RBFOX3: variants seen among roughly 807,000 people sequenced by gnomAD.
RBFOX3 encodes RNA binding protein fox-1 homolog 3.
A neutral mutation model predicts 48.7 loss-of-function variants in RBFOX3; 17 were observed. The ratio of observed to expected loss-of-function variants is 0.35; its 90% confidence interval spans 0.24 to 0.52. The LOEUF is 0.52. Among genes scored for constraint, RBFOX3 ranks in the 20% least tolerant of loss-of-function variants. RBFOX3 has a pLI of 0.94. For missense variants in RBFOX3, 382 were observed against 497.5 expected, an observed-to-expected ratio of 0.77 and a Z score of 2.21; for synonymous variants, 212 against 209.5, an observed-to-expected ratio of 1.01 and a Z score of -0.10.
At chr17:79,657,269 C>T in the RBFOX3 span, among the ~76,000 whole-genome samples, 1 of 152,184 alleles carries the variant, frequency 6.6e-6, no homozygotes, top group East Asian at 1.9e-4. Flanking sequence ...GGGGAGATTG[C>T]AGCAGGTCTT....
At chr17:79,190,424 A>ACAAAAAC (rs1161047343) in intron 4 of RBFOX3, among the ~76,000 whole-genome samples, 11 of 109,530 alleles carry the variant, frequency 1.0e-4, no homozygotes, top group African/African-American at 3.3e-4. Context: ...CAAAAAAAAA[A>ACAAAAAC]AAAAAAACAA....
At chr17:79,530,272 T>C (rs1466313157) in intron 1 of RBFOX3, among the ~76,000 whole-genome samples, 1 of 152,000 alleles carries the variant, frequency 6.6e-6, no homozygotes, top group Non-Finnish European at 1.5e-5. Context: ...CAATTTAAAG[T>C]TGTATTTTCA....
intron 1 of RBFOX3, among the ~76,000 whole-genome samples, chr17:79,487,400 G>A (rs1471373837): frequency 6.6e-6 from 1 of 152,344 alleles, no homozygotes; most frequent in African/African-American, 2.4e-5. Flanking sequence ...CAGAGGCCGG[G>A]TGGCGGGGAG....
chr17:79,252,931 C>A lies in RBFOX3; in HGVS notation c.-73-17126G>T, dbSNP rs998073255. Among the ~76,000 whole-genome samples, 3 of 152,060 alleles carry A rather than the reference C, an allele frequency of 2.0e-5. No homozygotes were observed. The highest frequency in any genetic ancestry group is 2.9e-5 in the Non-Finnish European group (2 of 68,020). On this transcript the variant is annotated intron_variant, in intron 3 of 14. Transcript: ENST00000693108. The surrounding 1 kb of genome is among the most constrained non-coding windows in gnomAD (Gnocchi z 4.0). ...ATCCCGCCCGGCAAGCCCCAGCCCC[C>A]TAAACCCGCAGCCTTCTTTGCCGTC...
At chr17:79,276,539 G>A (rs1284140002) in intron 3 of RBFOX3, among the ~76,000 whole-genome samples, 1 of 152,230 alleles carries the variant, frequency 6.6e-6, no homozygotes, top group South Asian at 2.1e-4. Flanking sequence ...TACAAAATCA[G>A]CTGGGTCTGG....
chr17:79,630,185 C>T, the RBFOX3 span, among the ~76,000 whole-genome samples: 2 of 152,156 alleles, frequency 1.3e-5, no homozygotes, highest in African/African-American at 2.4e-5. Context: ...CGTGGGGGTC[C>T]GCCTGTAGGG....
intron 3 of RBFOX3, among the ~76,000 whole-genome samples, chr17:79,292,576 ACACACATGC>A (rs2073489392): frequency 7.8e-6 from 1 of 127,944 alleles, no homozygotes; most frequent in Admixed American, 8.0e-5. Context: ...ACACACACAC[ACACACATGC>A]ACACACACAC....
At chr17:79,648,094 G>A in the RBFOX3 span, among the ~76,000 whole-genome samples, 1 of 152,132 alleles carries the variant, frequency 6.6e-6, no homozygotes, top group African/African-American at 2.4e-5. Context: ...GAGCTGGTCT[G>A]GGGGTGCAGT....
At position 79,371,805 on chromosome 17, in the gene RBFOX3, C is replaced by T. The variant is rs543853105; in HGVS notation, c.-174-63981G>A. 4.5e-4 allele frequency among the ~76,000 whole-genome samples: 68 copies of T among 152,276 alleles called. 1 individual carries two copies. The highest frequency in any genetic ancestry group is 1.3e-4 in the Non-Finnish European group (9 of 68,014). On this transcript the variant is annotated intron_variant, in intron 2 of 14. Transcript: ENST00000693108. ...GGAGCAGAGCCTCGCCCTGGTCAGC[C>T]GTGCCCTGAGGGACCTGGCATGGTG... is the stretch of plus-strand genomic sequence containing the variant.
intron 2 of RBFOX3, among the ~76,000 whole-genome samples, chr17:79,417,479 A>G (rs1188756871): frequency 1.3e-5 from 2 of 152,214 alleles, no homozygotes; most frequent in African/African-American, 4.8e-5. Flanking sequence ...TCAGAGGAAC[A>G]TGCCCAACCA....
intron 4 of RBFOX3, among the ~76,000 whole-genome samples, chr17:79,129,561 T>C (rs2038265675): frequency 6.6e-6 from 1 of 152,224 alleles, no homozygotes; most frequent in African/African-American, 2.4e-5. Flanking sequence ...CAGGGTTTCC[T>C]GAGACCCTGA....
intron 1 of RBFOX3, among the ~76,000 whole-genome samples, chr17:79,504,035 A>T (rs1276606652): frequency 6.7e-5 from 10 of 149,938 alleles, no homozygotes; most frequent in African/African-American, 2.3e-4. Flanking sequence ...TCCAGGTGGC[A>T]GGGTGCTCCA....
intron 2 of RBFOX3, among the ~76,000 whole-genome samples, chr17:79,478,493 C>CTT (rs1331359307): frequency 6.6e-6 from 1 of 152,234 alleles, no homozygotes; most frequent in Admixed American, 6.5e-5. Context: ...GGGCAGAAGA[C>CTT]TTTGTTTATC....
chr17:79,493,544 G>A (rs984425808), intron 1 of RBFOX3, among the ~76,000 whole-genome samples: 5 of 152,120 alleles, frequency 3.3e-5, no homozygotes, highest in African/African-American at 1.2e-4. Flanking sequence ...AGGGTCTTCG[G>A]TCTTCAATGA....
chr17:79,585,377 G>A (rs1286847484), intron 1 of RBFOX3, among the ~76,000 whole-genome samples: 1 of 151,822 alleles, frequency 6.6e-6, no homozygotes, highest in African/African-American at 2.4e-5. Flanking sequence ...CCAACATGGT[G>A]AAACCCCATC....
At chr17:79,374,743 G>A (rs1488733888) in intron 2 of RBFOX3, among the ~76,000 whole-genome samples, 1 of 152,196 alleles carries the variant, frequency 6.6e-6, no homozygotes, top group Non-Finnish European at 1.5e-5. Context: ...GATAACTTAA[G>A]GAAAGTGTTT....
intron 1 of RBFOX3, among the ~76,000 whole-genome samples, chr17:79,564,163 C>G (rs1315201728): frequency 6.6e-6 from 1 of 152,208 alleles, no homozygotes; most frequent in Non-Finnish European, 1.5e-5. Flanking sequence ...TTGCCCTGAG[C>G]CATCCTGCTC....
chr17:79,514,792 G>T (rs1347518825), intron 1 of RBFOX3, among the ~76,000 whole-genome samples: 3 of 152,220 alleles, frequency 2.0e-5, no homozygotes, highest in Non-Finnish European at 4.4e-5. Context: ...CACAGCTTGG[G>T]AAGGACAAAG....
chr17:79,433,822 G>T (rs1169253287), intron 2 of RBFOX3, among the ~76,000 whole-genome samples: 1 of 152,192 alleles, frequency 6.6e-6, no homozygotes, highest in South Asian at 2.1e-4. Flanking sequence ...GGGCTCCCGG[G>T]GAAATACATG....
Sources: gnomAD v4.1 joint callset for allele counts (sites outside exome capture counted in the v4.1 genomes callset) on GRCh38, gnomAD v4.1.1 for gene constraint, Gnocchi (gnomAD v3.1) non-coding constraint, MANE v1.5 for transcripts, NCBI Gene and HGNC (gene_info 2026-07-23, HGNC 2026-07-21) for gene names.